PDZD2: variants seen among roughly 807,000 people sequenced by gnomAD.
PDZD2 encodes the protein PDZ domain-containing protein 2.
A neutral mutation model predicts 220.7 loss-of-function variants in PDZD2; 90 were observed. The observed-to-expected ratio is 0.41, with a 90% CI of 0.34 to 0.49. PDZD2 has a LOEUF of 0.49. Among genes scored for constraint, PDZD2 ranks in the 20% least tolerant of loss-of-function variants. The probability of loss-of-function intolerance (pLI) is 0.28; values close to 1 mark genes in which losing one functional copy is unlikely to be tolerated. For synonymous variants in PDZD2, 1,375 were observed against 1,450.5 expected, an observed-to-expected ratio of 0.95 and a Z score of 1.18; for missense variants, 3,174 against 3,608.5, an observed-to-expected ratio of 0.88 and a Z score of 3.08.
intron 1 of PDZD2, among the ~76,000 whole-genome samples, chr5:31,730,397 T>C (rs1179857582): frequency 6.6e-6 from 1 of 152,168 alleles, no homozygotes; most frequent in Non-Finnish European, 1.5e-5. Context: ...CTAACTGTAT[T>C]GTCTATGAGA....
chr5:31,752,010 C>T (rs1322442138), intron 1 of PDZD2, among the ~76,000 whole-genome samples: 1 of 148,442 alleles, frequency 6.7e-6, no homozygotes, highest in Non-Finnish European at 1.5e-5. Flanking sequence ...CTCATTTTCT[C>T]TCGAGCAGAT....
chr5:31,967,356 C>T (rs956895184), intron 2 of PDZD2, among the ~76,000 whole-genome samples: 5 of 152,276 alleles, frequency 3.3e-5, no homozygotes, highest in African/African-American at 4.8e-5. Context: ...GGAGAGTGGC[C>T]GCCTTTTGGA....
intron 19 of PDZD2, among the ~76,000 whole-genome samples, chr5:32,079,269 CAAAAAAA>C (rs796887034): frequency 2.1e-4 from 17 of 82,838 alleles, no homozygotes; most frequent in African/African-American, 8.7e-4. Context: ...AAAAAAAAAA[CAAAAAAA>C]AAACAAAAAA....
rs4867085 is a variant in PDZD2, at chr5:31,818,941, A to T, written c.476+19217A>T. The stretch of plus-strand genomic sequence containing the variant: ...TCATTTGCAATATATATATTTTCAG[A>T]CTGCCTTTGTTGATTCTTTTCATTG... On this transcript the variant is annotated intron_variant, in intron 2 of 24. Transcript: ENST00000438447. 4.4e-3 allele frequency among the ~76,000 whole-genome samples: 664 copies of T among 152,218 alleles called. 19 individuals carry two copies. Among genetic ancestry groups the T allele is most frequent in the Admixed American group, 0.037 (568 of 15,272 alleles).
intron 2 of PDZD2, among the ~76,000 whole-genome samples, chr5:31,839,369 A>C (rs768318783): frequency 6.6e-6 from 1 of 152,190 alleles, no homozygotes; most frequent in South Asian, 2.1e-4. Flanking sequence ...ATAAATAATC[A>C]TGTCAAGGGA....
At chr5:32,059,114 T>G (rs1739425032) in intron 12 of PDZD2, 125 bp from the exon 13 acceptor site, 1 of 596,032 alleles carries the variant, frequency 1.7e-6, no homozygotes, top group Non-Finnish European at 3.0e-6. Context: ...ACATTCTGAG[T>G]CTGGACCAGA....
At chr5:31,755,114 G>A (rs998699819) in intron 1 of PDZD2, among the ~76,000 whole-genome samples, 14 of 152,188 alleles carry the variant, frequency 9.2e-5, no homozygotes, top group Admixed American at 7.9e-4. Context: ...GCCGACTGAT[G>A]GCCGCCTTGT....
intron 1 of PDZD2, among the ~76,000 whole-genome samples, chr5:31,662,634 C>T (rs1206312018): frequency 6.6e-6 from 1 of 151,998 alleles, no homozygotes; most frequent in Non-Finnish European, 1.5e-5. Flanking sequence ...CTCTTGGATC[C>T]CCTTTCTTTT....
chr5:31,679,465 C>T (rs1276008602), intron 1 of PDZD2, among the ~76,000 whole-genome samples: 5 of 133,898 alleles, frequency 3.7e-5, no homozygotes, highest in African/African-American at 1.2e-4. Flanking sequence ...TCTTGTTGTA[C>T]TGTGTTGTGG....
chr5:32,003,328 C>CA (rs1438209536), intron 5 of PDZD2, among the ~76,000 whole-genome samples: 2 of 52,038 alleles, frequency 3.8e-5, no homozygotes, highest in African/African-American at 1.8e-4. Flanking sequence ...CACACACACA[C>CA]CCCCACCACA....
intron 2 of PDZD2, among the ~76,000 whole-genome samples, chr5:31,968,200 A>C (rs1191481186): frequency 6.6e-6 from 1 of 152,160 alleles, no homozygotes; most frequent in African/African-American, 2.4e-5. Flanking sequence ...TCTACTAAAA[A>C]TACGAAAATT....
At chr5:31,913,436 T>C (rs542946145) in intron 2 of PDZD2, among the ~76,000 whole-genome samples, 1 of 152,166 alleles carries the variant, frequency 6.6e-6, no homozygotes, top group Admixed American at 6.5e-5. Context: ...GCAAATTGAA[T>C]TCATATCTCT....
At chr5:32,037,447 C>A (rs1159003276) in intron 7 of PDZD2, 105 bp downstream of exon 7, 1 of 674,380 alleles carries the variant, frequency 1.5e-6, no homozygotes, top group Non-Finnish European at 2.6e-6. Context: ...TTCCTTAAAA[C>A]CTCAAAATCA....
chr5:31,958,638 C>T (rs1038372285), intron 2 of PDZD2, among the ~76,000 whole-genome samples: 15 of 151,564 alleles, frequency 9.9e-5, no homozygotes, highest in African/African-American at 2.9e-4. Flanking sequence ...ACCCCGCCCC[C>T]GTCATAGGAT....
chr5:31,969,169 G>T (rs1385347573), intron 2 of PDZD2, among the ~76,000 whole-genome samples: 1 of 152,030 alleles, frequency 6.6e-6, no homozygotes, highest in South Asian at 2.1e-4. Flanking sequence ...GGGTAATGGG[G>T]CATGTTAGGA....
chr5:31,947,881 GGAGGGAAAGA>G (rs946856073), intron 2 of PDZD2, among the ~76,000 whole-genome samples: 10 of 152,068 alleles, frequency 6.6e-5, no homozygotes, highest in South Asian at 2.1e-4. Context: ...GAGAAGTAGG[GGAGGGAAAGA>G]GAGGGAAGGA....
At chr5:31,694,638 G>A (rs909455274) in intron 1 of PDZD2, among the ~76,000 whole-genome samples, 2 of 152,098 alleles carry the variant, frequency 1.3e-5, no homozygotes, top group Admixed American at 1.3e-4. Context: ...AATGGGACTG[G>A]GCACTCCAGG....
chr5:31,818,252 G>A (rs1213248998), intron 2 of PDZD2, among the ~76,000 whole-genome samples: 2 of 152,024 alleles, frequency 1.3e-5, no homozygotes, highest in African/African-American at 2.4e-5. Context: ...GATTATAGGC[G>A]TGAGCCACCA....
intron 1 of PDZD2, among the ~76,000 whole-genome samples, chr5:31,762,707 G>A (rs1580706738): frequency 6.6e-6 from 1 of 152,198 alleles, no homozygotes; most frequent in East Asian, 1.9e-4. Context: ...CATGGCGGCT[G>A]TTGAGTACAG....
Sources: allele counts gnomAD v4.1 joint callset (sites outside exome capture counted in the v4.1 genomes callset), GRCh38; gene constraint gnomAD v4.1.1; transcripts MANE v1.5; gene names NCBI Gene and HGNC (gene_info 2026-07-23, HGNC 2026-07-21).